The following ARMC9 variants were observed in gnomAD, a reference collection of about 807,000 sequenced individuals.
ARMC9 encodes lisH domain-containing protein ARMC9.
In ARMC9, 94 loss-of-function variants were observed where a neutral mutation model predicts 107.0. The observed-to-expected ratio is 0.88, with a 90% CI of 0.74 to 1.04. ARMC9 has a LOEUF of 1.04. Among genes scored for constraint, ARMC9 ranks in the 50% least tolerant of loss-of-function variants. The pLI is 0.00. For missense variants in ARMC9, 942 were observed against 1,030.1 expected (o/e 0.91, Z 1.17); for synonymous variants, 380 against 396.9 (o/e 0.96, Z 0.51).
chr2:231,362,359 C>T lies in ARMC9; in HGVS notation c.2261+1476C>T, dbSNP rs538483900. On this transcript the variant is annotated intron_variant, in intron 23 of 24. Transcript: ENST00000611582. This position sits in a 1 kb window ranked among gnomAD's most constrained non-coding sequence, Gnocchi z 4.7. Reference sequence around the variant, plus strand: ...TTCAGCCAGGCCAAACCTACGCTTCCGGTATAGGCCACTTCTTTTTACTTC... The same window carrying T: ...TTCAGCCAGGCCAAACCTACGCTTCTGGTATAGGCCACTTCTTTTTACTTC... 6.6e-6 allele frequency among the ~76,000 whole-genome samples: 1 copy of T among 151,948 alleles called. No homozygotes were observed. Among genetic ancestry groups the T allele is most frequent in the Non-Finnish European group, 1.5e-5 (1 of 67,900 alleles).
At chr2:231,202,255 C>T (rs1286126258) in intron 1 of ARMC9, among the ~76,000 whole-genome samples, 3 of 150,898 alleles carry the variant, frequency 2.0e-5, no homozygotes, top group Non-Finnish European at 4.4e-5. Context: ...CTGCCTTGGC[C>T]TCCCAAAGTG....
chr2:231,324,219 C>T (rs1396213404), intron 19 of ARMC9, among the ~76,000 whole-genome samples: 3 of 149,430 alleles, frequency 2.0e-5, no homozygotes. Flanking sequence ...CCTCCGCCTC[C>T]CAGGTTCAAG....
At chr2:231,263,278 T>A (rs2038547666) in intron 12 of ARMC9, among the ~76,000 whole-genome samples, 1 of 152,240 alleles carries the variant, frequency 6.6e-6, no homozygotes, top group South Asian at 2.1e-4. Flanking sequence ...TTAGGCCATT[T>A]CCTGCTGCTG....
chr2:231,301,321 C>G (rs903729943), intron 19 of ARMC9, among the ~76,000 whole-genome samples: 1 of 152,044 alleles, frequency 6.6e-6, no homozygotes, highest in Admixed American at 6.6e-5. Context: ...TAAAAATATC[C>G]TTATTTACCA....
At chr2:231,211,134 A>G (rs1283506838) in intron 3 of ARMC9, among the ~76,000 whole-genome samples, 2 of 136,376 alleles carry the variant, frequency 1.5e-5, no homozygotes, top group African/African-American at 5.9e-5. Context: ...ATTCACAAAC[A>G]CATACACACA....
intron 15 of ARMC9, among the ~76,000 whole-genome samples, chr2:231,278,100 T>A (rs1425371573): frequency 1.3e-5 from 2 of 152,190 alleles, no homozygotes; most frequent in Non-Finnish European, 2.9e-5. Context: ...TGGGATGGTT[T>A]ACTGAGCACC....
chr2:231,262,058 G>A (rs1314730105), intron 11 of ARMC9, among the ~76,000 whole-genome samples: 15 of 152,054 alleles, frequency 9.9e-5, no homozygotes, highest in Non-Finnish European at 1.9e-4. Context: ...TCTTGACCTC[G>A]TGATCCACCT....
chr2:231,353,980 TACACACACACACACACAC>T (rs35433958), intron 21 of ARMC9, among the ~76,000 whole-genome samples: 4,235 of 135,364 alleles, frequency 0.031, 87 homozygotes, highest in Non-Finnish European at 0.042. Flanking sequence ...TATGTATATA[TACACACACACACACACAC>T]ACACACACAC....
chr2:231,329,345 T>C (rs1306374577), intron 19 of ARMC9, among the ~76,000 whole-genome samples: 1 of 151,926 alleles, frequency 6.6e-6, no homozygotes, highest in African/African-American at 2.4e-5. Flanking sequence ...AATTTTGCTC[T>C]TTTTGCCCAA....
intron 16 of ARMC9, among the ~76,000 whole-genome samples, chr2:231,281,857 G>C (rs2040240101): frequency 1.3e-5 from 2 of 152,172 alleles, no homozygotes; most frequent in South Asian, 4.1e-4. Context: ...TTTGGTTTTA[G>C]ACTCAGTGGT....
At chr2:231,230,507 T>G (rs2035108923) in intron 7 of ARMC9, among the ~76,000 whole-genome samples, 1 of 152,224 alleles carries the variant, frequency 6.6e-6, no homozygotes, top group Non-Finnish European at 1.5e-5. Context: ...CCACGTAGCT[T>G]CTAGTCATGG....
At chr2:231,256,490 A>T in intron 9 of ARMC9, 96 bp from the exon 10 acceptor site, 1 of 1,475,796 alleles carries the variant, frequency 6.8e-7, no homozygotes, top group Non-Finnish European at 9.4e-7. Flanking sequence ...CCTAACTTGC[A>T]CATCTGTTGA....
At chr2:231,338,639 A>T (rs1251305126) in intron 20 of ARMC9, among the ~76,000 whole-genome samples, 6 of 148,798 alleles carry the variant, frequency 4.0e-5, no homozygotes, top group African/African-American at 1.5e-4. Context: ...TCCTAGGCTT[A>T]AACGATCTTC....
At chr2:231,371,321 C>G (rs961637743) in intron 24 of ARMC9, among the ~76,000 whole-genome samples, 192 bp from the exon 25 acceptor site, 1 of 152,184 alleles carries the variant, frequency 6.6e-6, no homozygotes, top group Non-Finnish European at 1.5e-5. Context: ...CTGAGTGACC[C>G]GCACCAAGCA....
intron 19 of ARMC9, among the ~76,000 whole-genome samples, chr2:231,330,423 G>A (rs1621284): frequency 0.31 from 47,084 of 151,826 alleles, 7,561 homozygotes; most frequent in Middle Eastern, 0.37. Flanking sequence ...TAGAAGGGAC[G>A]AGAGTGCCCC....
intron 8 of ARMC9, among the ~76,000 whole-genome samples, chr2:231,237,523 AT>A (rs1352821395): frequency 1.3e-5 from 2 of 151,806 alleles, no homozygotes; most frequent in Non-Finnish European, 2.9e-5. Flanking sequence ...GGGCATGAGC[AT>A]TTTGATAGAG....
At chr2:231,215,133 C>G (rs1353108184) in intron 4 of ARMC9, 132 bp downstream of exon 4, 1 of 980,874 alleles carries the variant, frequency 1.0e-6, no homozygotes, top group East Asian at 2.7e-5. Flanking sequence ...CAGGCATCCT[C>G]TCTCCTGGTG....
chr2:231,236,375 A>G (rs1236251259), intron 8 of ARMC9, among the ~76,000 whole-genome samples: 1 of 152,198 alleles, frequency 6.6e-6, no homozygotes, highest in Non-Finnish European at 1.5e-5. Flanking sequence ...CCTATGGGAT[A>G]GTGTTGAATA....
At chr2:231,275,693 C>T (rs572438499) in intron 14 of ARMC9, among the ~76,000 whole-genome samples, 135 of 152,304 alleles carry the variant, frequency 8.9e-4, no homozygotes, top group African/African-American at 2.8e-3. Flanking sequence ...GTGGCTCACG[C>T]CTGTAATCCC....
Sources: gnomAD v4.1 joint callset for allele counts (sites outside exome capture counted in the v4.1 genomes callset) on GRCh38, gnomAD v4.1.1 for gene constraint, Gnocchi (gnomAD v3.1) non-coding constraint, MANE v1.5 for transcripts, NCBI Gene and HGNC (gene_info 2026-07-23, HGNC 2026-07-21) for gene names.